The following POU6F2 variants were observed in gnomAD, a reference collection of about 807,000 sequenced individuals.
The protein encoded by POU6F2 is POU domain, class 6, transcription factor 2.
A neutral mutation model predicts 71.3 loss-of-function variants in POU6F2; 31 were observed. The observed-to-expected ratio is 0.43, with a 90% CI of 0.33 to 0.59. The LOEUF (loss-of-function observed/expected upper bound fraction) is 0.59. POU6F2 is among the 20% of genes least tolerant of loss of function. The probability of loss-of-function intolerance (pLI) is 0.04; values close to 1 mark genes in which losing one functional copy is unlikely to be tolerated. For missense variants in POU6F2, 783 were observed against 856.8 expected (o/e 0.91, Z 1.07); for synonymous variants, 347 against 355.7 (o/e 0.98, Z 0.27).
intron 1 of POU6F2, among the ~76,000 whole-genome samples, chr7:39,046,358 G>T (rs78293598): frequency 6.6e-6 from 1 of 151,690 alleles, no homozygotes; most frequent in African/African-American, 2.4e-5. Flanking sequence ...GCACTTTGTC[G>T]GAAATCTGAT....
Position 39,273,530 on chromosome 7 carries a change from TAGAA to T in POU6F2, c.598+65914_598+65917del, listed in dbSNP as rs553116201. On this transcript the variant is annotated intron_variant, in intron 4 of 9. Coordinates refer to ENST00000518318, the MANE Select transcript of POU6F2 (RefSeq NM_001370959.1). Reference sequence around the variant, plus strand: ...CAGAATTTTAAGGTCATGAAAAACATAGAAAGACTGGGAAACTATCACAGGCCAG... The same window carrying T: ...CAGAATTTTAAGGTCATGAAAAACATAGACTGGGAAACTATCACAGGCCAG... Among the ~76,000 whole-genome samples the T allele has an allele frequency of 3.4e-4, 52 of 152,076 alleles. No individual in the cohort carries two copies. The East Asian group carries it at 0.01, about 29-fold the overall frequency.
intron 1 of POU6F2, among the ~76,000 whole-genome samples, chr7:38,997,888 C>A (rs1788783257): frequency 1.3e-5 from 2 of 152,082 alleles, no homozygotes; most frequent in African/African-American, 4.8e-5. Context: ...CCAACAGACC[C>A]AAGACCCTTG....
chr7:39,317,868 AC>A (rs1583520080), intron 4 of POU6F2, among the ~76,000 whole-genome samples: 1 of 152,128 alleles, frequency 6.6e-6, no homozygotes, highest in African/African-American at 2.4e-5. Flanking sequence ...AGTTCCAAGG[AC>A]CCTGACATCT....
At chr7:39,441,034 G>T (rs1186225788) in intron 7 of POU6F2, among the ~76,000 whole-genome samples, 1 of 152,052 alleles carries the variant, frequency 6.6e-6, no homozygotes, top group Non-Finnish European at 1.5e-5. Context: ...TGTCATTCAA[G>T]AAGTCTGGAG....
intron 5 of POU6F2, among the ~76,000 whole-genome samples, chr7:39,357,821 G>A (rs1786291796): frequency 6.6e-6 from 1 of 152,218 alleles, no homozygotes; most frequent in African/African-American, 2.4e-5. Flanking sequence ...AAGGGGCAAA[G>A]GGTTTCATAA....
rs141091378 is a variant in POU6F2 at position 39,320,128 on chromosome 7, T to G, written c.599-19514T>G. ...CCATGGGGCAGAGAGGCTTTAACTCTTCTCACCTGGGAGGTCCAGAGGCTA... is the reference window on the plus strand; with the variant it reads ...CCATGGGGCAGAGAGGCTTTAACTCGTCTCACCTGGGAGGTCCAGAGGCTA... On this transcript the variant is annotated intron_variant, in intron 4 of 9. Coordinates refer to ENST00000518318, the MANE Select transcript of POU6F2 (RefSeq NM_001370959.1). Among the ~76,000 whole-genome samples the G allele has an allele frequency of 5.5e-3, 844 of 152,312 alleles. 6 individuals carry two copies. The highest frequency in any genetic ancestry group is 0.019 in the African/African-American group (785 of 41,568).
At chr7:39,062,535 A>G (rs1210362331) in intron 1 of POU6F2, among the ~76,000 whole-genome samples, 2 of 151,360 alleles carry the variant, frequency 1.3e-5, no homozygotes, top group East Asian at 3.9e-4. Flanking sequence ...AGGTTGCCAC[A>G]ACAGCACCTC....
At chr7:39,137,821 T>C (rs947816064) in intron 2 of POU6F2, among the ~76,000 whole-genome samples, 2 of 152,312 alleles carry the variant, frequency 1.3e-5, no homozygotes, top group East Asian at 3.9e-4. Context: ...TGCATATTGA[T>C]CTTCCCACTT....
At chr7:39,061,469 A>T (rs1327029040) in intron 1 of POU6F2, among the ~76,000 whole-genome samples, 1 of 152,212 alleles carries the variant, frequency 6.6e-6, no homozygotes, top group Non-Finnish European at 1.5e-5. Flanking sequence ...AATAACATCC[A>T]TTGACCTATT....
At chr7:39,410,537 C>G (rs765759646) in intron 6 of POU6F2, among the ~76,000 whole-genome samples, 1 of 152,096 alleles carries the variant, frequency 6.6e-6, no homozygotes, top group African/African-American at 2.4e-5. Context: ...GGCAATGGAA[C>G]GGGTGCTAGC....
At chr7:39,107,451 A>G (rs534574289) in intron 2 of POU6F2, among the ~76,000 whole-genome samples, 96 of 152,332 alleles carry the variant, frequency 6.3e-4, no homozygotes, top group African/African-American at 2.2e-3. Flanking sequence ...AATAAAACAT[A>G]TTAACAAAAG....
At chr7:39,431,851 A>G (rs1788109166) in intron 6 of POU6F2, among the ~76,000 whole-genome samples, 1 of 152,202 alleles carries the variant, frequency 6.6e-6, no homozygotes, top group Non-Finnish European at 1.5e-5. Context: ...CTGAGATCTT[A>G]CTACTGTGTC....
chr7:38,993,812 C>A (rs1397645282), intron 1 of POU6F2, among the ~76,000 whole-genome samples: 1 of 152,096 alleles, frequency 6.6e-6, no homozygotes, highest in African/African-American at 2.4e-5. Context: ...GTGCGTATTT[C>A]GGAGCACTGG....
chr7:39,320,476 T>G (rs1052541281), intron 4 of POU6F2, among the ~76,000 whole-genome samples: 13 of 152,214 alleles, frequency 8.5e-5, no homozygotes, highest in Admixed American at 6.5e-4. Flanking sequence ...ACATTTTTTT[T>G]ATCAGATTCT....
chr7:39,313,556 A>G (rs1225670167), intron 4 of POU6F2, among the ~76,000 whole-genome samples: 1 of 152,098 alleles, frequency 6.6e-6, no homozygotes, highest in African/African-American at 2.4e-5. Context: ...CCATTCGAGT[A>G]TTTATTTAGT....
At chr7:39,223,540 A>G (rs1344206166) in intron 4 of POU6F2, among the ~76,000 whole-genome samples, 2 of 152,208 alleles carry the variant, frequency 1.3e-5, no homozygotes, top group Non-Finnish European at 2.9e-5. Flanking sequence ...AAGATTTTCA[A>G]GTTGTGACTT....
At chr7:39,173,021 C>G (rs181284101) in intron 2 of POU6F2, among the ~76,000 whole-genome samples, 6 of 152,040 alleles carry the variant, frequency 3.9e-5, no homozygotes, top group Admixed American at 6.5e-5. Context: ...TTTAAATGTT[C>G]TAGTAGCCAT....
At position 39,066,267 on chromosome 7, in the gene POU6F2, T is replaced by C. The variant is rs553337749; in HGVS notation, c.106-19593T>C. The stretch of plus-strand genomic sequence containing the variant: ...ATCTCTCTTAAACCAACACCAAATA[T>C]GCTTCAAATATCTTACTTCAGTGAA... On this transcript the variant is annotated intron_variant, in intron 1 of 9. Coordinates refer to ENST00000518318, the MANE Select transcript of POU6F2 (RefSeq NM_001370959.1). 9.9e-5 allele frequency among the ~76,000 whole-genome samples: 15 copies of C among 151,914 alleles called. No individual in the cohort carries two copies. The South Asian group carries it at 1.9e-3, about 19-fold the overall frequency.
chr7:39,093,983 C>T (rs1791405167), intron 2 of POU6F2, among the ~76,000 whole-genome samples: 1 of 152,082 alleles, frequency 6.6e-6, no homozygotes, highest in Non-Finnish European at 1.5e-5. Context: ...CTAACAAAGA[C>T]TTATTTATAA....
Sources: allele counts gnomAD v4.1 joint callset (sites outside exome capture counted in the v4.1 genomes callset), GRCh38; gene constraint gnomAD v4.1.1; transcripts MANE v1.5; gene names NCBI Gene and HGNC (gene_info 2026-07-23, HGNC 2026-07-21).